AMPD1: variants seen among roughly 807,000 people sequenced by gnomAD.
AMPD1 encodes the protein adenosine monophosphate deaminase 1.
Under a neutral mutation model 82.9 loss-of-function variants are expected in AMPD1, and 74 were observed. That is an observed-to-expected ratio of 0.89 (90% CI 0.74 to 1.08). The LOEUF (loss-of-function observed/expected upper bound fraction) is 1.08. AMPD1 is among the 50% of genes least tolerant of loss of function. The pLI is 0.00. For synonymous variants in AMPD1, 333 were observed against 320.5 expected (o/e 1.04, Z -0.42); for missense variants, 881 against 924.5 (o/e 0.95, Z 0.61).
Position 114,678,417 on chromosome 1 carries a change from CTCTTTGGTGCT to C in AMPD1, c.997_1007del (p.Ser333GlufsTer11). The C allele has an allele frequency of 6.2e-7, 1 of 1,614,144 alleles. No individual in the cohort carries two copies. The highest frequency in any genetic ancestry group is 8.5e-7 in the Non-Finnish European group (1 of 1,180,012). On this transcript the variant is annotated frameshift_variant, in exon 8 of 16. Transcript: ENST00000520113. LOFTEE classifies it high-confidence loss of function. ...AAAGTTCCTTTAGGGTCAGATTCTTCTCTTTGGTGCTATAGACCACTCTGTCAGCATCAATT... is the reference window on the plus strand; with the variant it reads ...AAAGTTCCTTTAGGGTCAGATTCTTCATAGACCACTCTGTCAGCATCAATT...
Position 114,684,482 on chromosome 1 carries a change from T to A in AMPD1, c.382-118A>T, listed in dbSNP as rs910324026. The A allele has an allele frequency of 8.5e-5, 86 of 1,008,060 alleles. No individual in the cohort carries two copies. In the African/African-American group the frequency reaches 1.3e-3, roughly 15 times the overall value. 62.4% of individuals were successfully genotyped at this position (1,008,060 alleles called of 1,614,324 possible). A position where few individuals can be genotyped will look rare whatever the true frequency, so the allele number is the denominator to read the frequency against. On this transcript the variant is annotated intron_variant, in intron 4 of 15. Transcript: ENST00000520113. ...TGTGTATCGCAGCCCATTCTGAGAC[T>A]CACCACTCACCTGGCTGCTTCTTAA...
In AMPD1 at chr1:114,687,988, T is replaced by A. The variant is rs547014038; in HGVS notation, c.215+573A>T. ...TTTGGTCTGAAATAATTCTATGGTA[T>A]CTCGAAGTCCTCTTGCTTAGATGGG... On this transcript the variant is annotated intron_variant, in intron 3 of 15. Transcript: ENST00000520113. 2.0e-5 allele frequency among the ~76,000 whole-genome samples: 3 copies of A among 152,250 alleles called. No homozygotes were observed. In the South Asian group the frequency reaches 6.2e-4, roughly 32 times the overall value.
At position 114,674,022 on chromosome 1, in the gene AMPD1, T is replaced by G; in HGVS notation, c.1861A>C (p.Ser621Arg). The G allele has an allele frequency of 3.1e-6, 5 of 1,614,006 alleles. No homozygotes were observed. The highest frequency in any genetic ancestry group is 4.2e-6 in the Non-Finnish European group (5 of 1,179,920). Residue 621 changes from serine to arginine, a missense_variant, in exon 14 of 16, where the codon AGT becomes CGT. By Grantham distance (110) the Ser-to-Arg change is moderately radical (BLOSUM62 -1). Transcript: ENST00000520113. ...AQIPIAMSPLSNNSLFLEYAK... is the reference protein window; with the variant it reads ...AQIPIAMSPLRNNSLFLEYAK... ...TACTCTAGAAATAGGCTATTGTTAC[T>G]TAGTGGTGACATGGCGATGGGAATT...
chr1:114,680,298 T>A lies in AMPD1; in HGVS notation c.728A>T (p.Asp243Val). The change falls in exon 6 of 16, where the codon GAT becomes GTT. Residue 243 changes from aspartate (D) to valine (V), a missense_variant. Physicochemically the swap from Asp to Val is radical, Grantham distance 152. Around this residue, in one of 2 missense-constraint regions of AMPD1, gnomAD observed 783 missense variants for 786.4 expected, o/e 1.00. Coordinates refer to ENST00000520113, the MANE Select transcript of AMPD1 (RefSeq NM_000036.3). ...AATTAAAGCAAGTAAAAAATTCATATCGTCTAAGAAGGTGTCCAGATTTGG... is the reference window on the plus strand; with the variant it reads ...AATTAAAGCAAGTAAAAAATTCATAACGTCTAAGAAGGTGTCCAGATTTGG... ...PYPNLDTFLD[D>V]MNFLLALIAQ... 6.2e-7 allele frequency: 1 copy of A among 1,614,156 alleles called. No individual in the cohort carries two copies. Among genetic ancestry groups the A allele is most frequent in the South Asian group, 1.1e-5 (1 of 91,082 alleles).
At chr1:114,679,429 T>C (rs1658088453) in intron 7 of AMPD1, 150 bp downstream of exon 7, 5 of 1,166,418 alleles carry the variant, frequency 4.3e-6, no homozygotes, top group Non-Finnish European at 6.2e-6. Context: ...CCTAACCCAT[T>C]GGACATAATC....
chr1:114,681,137 A>G (rs1658146506), intron 5 of AMPD1, among the ~76,000 whole-genome samples: 1 of 152,226 alleles, frequency 6.6e-6, no homozygotes, highest in Non-Finnish European at 1.5e-5. Flanking sequence ...ATTAGCTCTT[A>G]GATAATAACA....
At chr1:114,684,509 T>C in intron 4 of AMPD1, 145 bp from the exon 5 acceptor site, 1 of 834,090 alleles carries the variant, frequency 1.2e-6, no homozygotes, top group Non-Finnish European at 1.9e-6. Flanking sequence ...GCTTCTTAAT[T>C]GACTTGGGAC....
At chr1:114,686,571 A>G (rs1658323315) in intron 4 of AMPD1, among the ~76,000 whole-genome samples, 174 bp downstream of exon 4, 1 of 152,252 alleles carries the variant, frequency 6.6e-6, no homozygotes, top group South Asian at 2.1e-4. Context: ...TGATAAAAAC[A>G]ACAGAAACAT....
chr1:114,677,142 G>T (rs190160940), intron 10 of AMPD1, among the ~76,000 whole-genome samples: 11 of 151,876 alleles, frequency 7.2e-5, no homozygotes, highest in Admixed American at 6.6e-4. Context: ...CTAGAGGACT[G>T]ATCCGAAATG....
chr1:114,674,365 G>T (rs1398749629), intron 13 of AMPD1, among the ~76,000 whole-genome samples: 1 of 152,112 alleles, frequency 6.6e-6, no homozygotes, highest in Non-Finnish European at 1.5e-5. Flanking sequence ...AAAAGACTTT[G>T]CCTTGAAACA....
chr1:114,679,840 G>T (rs1658104304), intron 6 of AMPD1, 132 bp from the exon 7 acceptor site: 2 of 1,097,676 alleles, frequency 1.8e-6, no homozygotes, highest in Non-Finnish European at 2.7e-6. Flanking sequence ...AGTTTACTCT[G>T]CAGTTAATCC....
Position 114,686,839 on chromosome 1 carries a change from A to G in AMPD1, c.287T>C (p.Leu96Pro). The part of the protein sequence containing the change: ...IPLSETSSTK[L>P]SHIDEYISSS... ...GGAAATGTATTCATCAATGTGGGAC[A>G]GTTTGGTGGAAGATGTTTCACTTAG... is the stretch of plus-strand genomic sequence containing the variant. Residue 96 changes from leucine to proline, a missense_variant, in exon 4 of 16, where the codon CTG becomes CCG. Transcript: ENST00000520113. 1 of 1,614,202 alleles carries G rather than the reference A, an allele frequency of 6.2e-7. No homozygotes were observed. The highest frequency in any genetic ancestry group is 1.1e-5 in the South Asian group (1 of 91,080).
chr1:114,687,295 C>T (rs1269426750), intron 3 of AMPD1, among the ~76,000 whole-genome samples: 5 of 152,150 alleles, frequency 3.3e-5, no homozygotes. Context: ...CCCATCTACC[C>T]ATCTAAAACA....
chr1:114,679,478 AATCTT>A, intron 7 of AMPD1, 96 bp downstream of exon 7: 8 of 1,512,298 alleles, frequency 5.3e-6, no homozygotes, highest in Non-Finnish European at 7.3e-6. Flanking sequence ...AACCTGTAGA[AATCTT>A]AGATTAATCA....
At chr1:114,686,231 T>A (rs1658315327) in intron 4 of AMPD1, among the ~76,000 whole-genome samples, 1 of 152,090 alleles carries the variant, frequency 6.6e-6, no homozygotes. Context: ...TTCTAACCTC[T>A]CTCTCATCTT....
intron 1 of AMPD1, 123 bp downstream of exon 1, chr1:114,695,327 T>A: frequency 6.4e-6 from 9 of 1,412,456 alleles, no homozygotes; most frequent in Admixed American, 6.2e-5. Flanking sequence ...GAAATGTATG[T>A]TAAAGCTATC....
In AMPD1 at chr1:114,680,464, C is replaced by T; in HGVS notation, c.562G>A (p.Val188Met). 1.9e-6 allele frequency: 3 copies of T among 1,614,024 alleles called. No individual in the cohort carries two copies. The highest frequency in any genetic ancestry group is 2.5e-6 in the Non-Finnish European group (3 of 1,179,980). The change falls in exon 6 of 16, where the codon GTG (valine) becomes ATG (methionine). Residue 188 changes from valine to methionine, a missense_variant. Physicochemically the swap from Val to Met is conservative, Grantham distance 21 (BLOSUM62 1). Coordinates refer to ENST00000520113, the MANE Select transcript of AMPD1 (RefSeq NM_000036.3). Reference protein sequence around the residue: ...ESFYPVFTPPVKKGEDPFRTD... With the variant: ...ESFYPVFTPPMKKGEDPFRTD... ...CGGAAGGGGTCCTCTCCCTTCTTCA[C>T]AGGAGGAGTAAAGACTTTTTCAATC...
chr1:114,691,399 AT>A (rs11451311), intron 2 of AMPD1, among the ~76,000 whole-genome samples: 91 of 146,052 alleles, frequency 6.2e-4, no homozygotes, highest in Middle Eastern at 3.7e-3. Context: ...CCTCCACAAA[AT>A]TTTTTTTTTT....
intron 4 of AMPD1, chr1:114,684,603 C>T (rs1658258995): frequency 3.5e-6 from 2 of 572,022 alleles, no homozygotes; most frequent in African/African-American, 1.9e-5. Flanking sequence ...TAGTCTTTCC[C>T]TTGTAGTCCT....
Sources: gnomAD v4.1 joint callset for allele counts (sites outside exome capture counted in the v4.1 genomes callset) on GRCh38, gnomAD v4.1.1 for gene constraint, gnomAD v4.1.1 regional missense constraint, MANE v1.5 for transcripts, NCBI Gene and HGNC (gene_info 2026-07-23, HGNC 2026-07-21) for gene names.